The following SPART variants were observed in gnomAD, a reference collection of about 807,000 sequenced individuals.
SPART encodes spastic paraplegia 20 (Troyer syndrome).
SPART carries 35 observed loss-of-function variants against 58.7 expected under a neutral mutation model. The ratio of observed to expected loss-of-function variants is 0.60; its 90% CI spans 0.46 to 0.79. The LOEUF (loss-of-function observed/expected upper bound fraction) is 0.79. Among genes scored for constraint, SPART ranks in the 30% least tolerant of loss-of-function variants. The pLI is 0.00. For synonymous variants in SPART, 284 were observed against 280.7 expected, an observed-to-expected ratio of 1.01 and a Z score of -0.12; for missense variants, 730 against 786.1, an observed-to-expected ratio of 0.93 and a Z score of 0.85.
At position 36,305,393 on chromosome 13, in the gene SPART, TATTA is replaced by T. The variant is rs895534324; in HGVS notation, c.1734-765_1734-762del. Among the ~76,000 whole-genome samples, 92 of 152,300 alleles carry T rather than the reference TATTA, an allele frequency of 6.0e-4. 1 individual carries two copies. The highest frequency in any genetic ancestry group is 1.4e-3 in the African/African-American group (57 of 41,564). On this transcript the variant is annotated intron_variant, in intron 8 of 8. Coordinates refer to ENST00000438666, the MANE Select transcript of SPART (RefSeq NM_015087.5). ...ACCACTTTCTACATACTATAGAACT[TATTA>T]ATTATCACTGTTCATGTCTTGCTTC...
chr13:36,319,953 C>T (rs934388639), intron 5 of SPART, among the ~76,000 whole-genome samples: 1 of 152,192 alleles, frequency 6.6e-6, no homozygotes, highest in African/African-American at 2.4e-5. Flanking sequence ...GCACCTTCTA[C>T]AAAACAACAA....
intron 5 of SPART, among the ~76,000 whole-genome samples, chr13:36,316,084 G>C (rs1454967087): frequency 6.6e-6 from 1 of 152,244 alleles, no homozygotes; most frequent in Non-Finnish European, 1.5e-5. Flanking sequence ...GCCAGATATA[G>C]ATTGATTCTG....
upstream of SPART, among the ~76,000 whole-genome samples, chr13:36,347,958 A>G (rs138728510): frequency 2.0e-5 from 3 of 152,314 alleles, no homozygotes; most frequent in African/African-American, 7.2e-5. Flanking sequence ...TTTCCGTTCC[A>G]TATTGTGAAA....
At chr13:36,325,055 T>C (rs1882784406) in intron 5 of SPART, among the ~76,000 whole-genome samples, 1 of 152,224 alleles carries the variant, frequency 6.6e-6, no homozygotes, top group Admixed American at 6.5e-5. Flanking sequence ...GATTCTTCAG[T>C]TACTTCAGGC....
At position 36,312,597 on chromosome 13, in the gene SPART, TTTC is replaced by T. The variant is rs965641809; in HGVS notation, c.1484-123_1484-121del. On this transcript the variant is annotated intron_variant, in intron 6 of 8. Transcript: ENST00000438666. The stretch of plus-strand genomic sequence containing the variant: ...ATTGTTTTACTATATAATGTTACAA[TTTC>T]TTCTTAAGGATATGAAGCTTAGAGA... The T allele has an allele frequency of 3.5e-6, 4 of 1,136,024 alleles. No individual in the cohort carries two copies. In the African/African-American group the frequency reaches 6.2e-5, roughly 18 times the overall value. The allele number at this position is 1,136,024 out of a possible 1,614,324, so 70.4% of individuals were successfully genotyped here. A position where few individuals can be genotyped will look rare whatever the true frequency, so the allele number is the denominator to read the frequency against.
At chr13:36,316,809 G>C (rs955875882) in intron 5 of SPART, among the ~76,000 whole-genome samples, 1 of 152,266 alleles carries the variant, frequency 6.6e-6, no homozygotes, top group African/African-American at 2.4e-5. Context: ...ACCTCCCTTA[G>C]GAGATCAATC....
At position 36,331,388 on chromosome 13, in the gene SPART, A is replaced by C. The variant is rs376120641; in HGVS notation, c.1008+11T>G. On this transcript the variant is annotated intron_variant, in intron 3 of 8. Coordinates refer to ENST00000438666, the MANE Select transcript of SPART (RefSeq NM_015087.5). The stretch of plus-strand genomic sequence containing the variant: ...GATTTTTTTCACCCTAAAGATGATC[A>C]CACAAGTTACCTGGAGCCGAAGGTC... 9 of 1,613,290 alleles carry C rather than the reference A, an allele frequency of 5.6e-6. No homozygotes were observed. The highest frequency in any genetic ancestry group is 7.6e-6 in the Non-Finnish European group (9 of 1,179,362).
In SPART at chr13:36,335,768, C is replaced by T; in HGVS notation, c.63G>A (p.Lys21=). The change falls in exon 2 of 9, where the codon AAG becomes AAA. Residue 21 remains lysine, a synonymous_variant. Coordinates refer to ENST00000438666, the MANE Select transcript of SPART (RefSeq NM_015087.5). ...CTTTGTTAACAAATAAAAAGGCCTT[C>T]TTATATGCTTCTCTGATGATCTTAA... ...AEIKIIREAY[K]KAFLFVNKGL... 6.2e-7 allele frequency: 1 copy of T among 1,613,946 alleles called. No homozygotes were observed. Among genetic ancestry groups the T allele is most frequent in the Non-Finnish European group, 8.5e-7 (1 of 1,179,982 alleles).
chr13:36,363,363 C>T (rs1169337368), intron 1 of SPART, among the ~76,000 whole-genome samples: 1 of 152,026 alleles, frequency 6.6e-6, no homozygotes, highest in Non-Finnish European at 1.5e-5. Context: ...CTCTCTCTCT[C>T]TCTCTCTCTG....
At chr13:36,316,197 C>G (rs908564202) in intron 5 of SPART, among the ~76,000 whole-genome samples, 1 of 152,214 alleles carries the variant, frequency 6.6e-6, no homozygotes, top group Non-Finnish European at 1.5e-5. Context: ...TTCCCTAACT[C>G]AAACCTAACT....
chr13:36,359,073 A>G (rs990314426), intron 1 of SPART, among the ~76,000 whole-genome samples: 1 of 152,332 alleles, frequency 6.6e-6, no homozygotes, highest in Admixed American at 6.5e-5. Flanking sequence ...AAGTTTATGT[A>G]ATATGTTCCA....
At chr13:36,309,673 C>T (rs1051587177) in intron 8 of SPART, among the ~76,000 whole-genome samples, 1 of 152,082 alleles carries the variant, frequency 6.6e-6, no homozygotes, top group Admixed American at 6.5e-5. Flanking sequence ...GGGAAATAAA[C>T]ACTGGATACT....
chr13:36,312,965 G>A (rs7336065), intron 6 of SPART, among the ~76,000 whole-genome samples: 46 of 151,544 alleles, frequency 3.0e-4, no homozygotes, highest in African/African-American at 9.7e-4. Context: ...TTATCTCGGT[G>A]AATAAAAGTA....
At chr13:36,352,896 G>T (rs954891922) in intron 1 of SPART, among the ~76,000 whole-genome samples, 1 of 152,130 alleles carries the variant, frequency 6.6e-6, no homozygotes, top group South Asian at 2.1e-4. Context: ...GGAGGTCAAG[G>T]CTACAGTGAG....
intron 1 of SPART, among the ~76,000 whole-genome samples, chr13:36,344,035 T>C (rs200554022): frequency 7.7e-6 from 1 of 129,860 alleles, no homozygotes; most frequent in Non-Finnish European, 1.6e-5. Flanking sequence ...CTTGTCTCTT[T>C]AAAAAAAAAA....
intron 4 of SPART, 144 bp downstream of exon 4, chr13:36,329,218 A>G (rs1883230032): frequency 1.2e-6 from 1 of 842,736 alleles, no homozygotes; most frequent in Admixed American, 1.8e-5. Flanking sequence ...AACTGATTCT[A>G]ATTGTTTTTG....
chr13:36,355,803 G>A (rs1885600596), intron 1 of SPART, among the ~76,000 whole-genome samples: 1 of 151,656 alleles, frequency 6.6e-6, no homozygotes, highest in South Asian at 2.1e-4. Context: ...TTAGGTTGGT[G>A]CAAAGGTAAT....
chr13:36,317,705 C>G (rs946320833), intron 5 of SPART, among the ~76,000 whole-genome samples: 1 of 151,922 alleles, frequency 6.6e-6, no homozygotes, highest in Non-Finnish European at 1.5e-5. Context: ...CTATAGGCAA[C>G]CTTCCACCCT....
intron 1 of SPART, among the ~76,000 whole-genome samples, chr13:36,363,760 G>GTTTT (rs138489307): frequency 1.0e-3 from 157 of 150,038 alleles, no homozygotes; most frequent in African/African-American, 3.6e-3. Flanking sequence ...CAGCCTGTTG[G>GTTTT]TTTTTTTTGT....
Sources: gnomAD v4.1 joint callset for allele counts (sites outside exome capture counted in the v4.1 genomes callset) on GRCh38, gnomAD v4.1.1 for gene constraint, MANE v1.5 for transcripts, NCBI Gene and HGNC (gene_info 2026-07-23, HGNC 2026-07-21) for gene names.